Variants in SLC24A3 observed in about 807,000 individuals in gnomAD.
The protein encoded by SLC24A3 is sodium/potassium/calcium exchanger 3.
SLC24A3 carries 28 observed loss-of-function variants against 75.8 expected under a neutral mutation model. The observed-to-expected ratio is 0.37, with a 90% CI of 0.27 to 0.51. The LOEUF (loss-of-function observed/expected upper bound fraction) is 0.51, where lower values mean the gene tolerates loss of function less well. Ranked by LOEUF, SLC24A3 falls within the 20% of genes least tolerant of loss-of-function variation. The pLI is 0.94. For missense variants in SLC24A3, 663 were observed against 847.8 expected, an observed-to-expected ratio of 0.78 and a Z score of 2.71; for synonymous variants, 372 against 334.1, an observed-to-expected ratio of 1.11 and a Z score of -1.24.
At chr20:19,325,931 A>G (rs1470320202) in intron 2 of SLC24A3, among the ~76,000 whole-genome samples, 1 of 151,198 alleles carries the variant, frequency 6.6e-6, no homozygotes, top group Non-Finnish European at 1.5e-5. Context: ...GGGTAATTTT[A>G]TACAATATTT....
chr20:19,418,753 T>A (rs1414488595), intron 2 of SLC24A3, among the ~76,000 whole-genome samples: 1 of 152,040 alleles, frequency 6.6e-6, no homozygotes, highest in Non-Finnish European at 1.5e-5. Flanking sequence ...AGTGGATAAT[T>A]CTAAGTCTGG....
At chr20:19,236,741 G>C (rs1470507611) in intron 1 of SLC24A3, among the ~76,000 whole-genome samples, 1 of 152,160 alleles carries the variant, frequency 6.6e-6, no homozygotes, top group Non-Finnish European at 1.5e-5. Context: ...GGGTGACAAA[G>C]TGAGACCCTG....
chr20:19,643,538 C>A (rs1045737532), intron 6 of SLC24A3, among the ~76,000 whole-genome samples: 2 of 152,176 alleles, frequency 1.3e-5, no homozygotes, highest in African/African-American at 4.8e-5. Flanking sequence ...AGAAATGGAG[C>A]ATCTGTCCCC....
At chr20:19,502,538 A>G (rs1988399418) in intron 2 of SLC24A3, among the ~76,000 whole-genome samples, 1 of 152,082 alleles carries the variant, frequency 6.6e-6, no homozygotes, top group Non-Finnish European at 1.5e-5. Context: ...AACAGGCCTA[A>G]AATTACCACA....
At chr20:19,374,276 A>G (rs1396285347) in intron 2 of SLC24A3, among the ~76,000 whole-genome samples, 3 of 152,182 alleles carry the variant, frequency 2.0e-5, no homozygotes, top group Non-Finnish European at 4.4e-5. Context: ...ACTCCTCCAC[A>G]TGCTCAAGTT....
chr20:19,539,094 C>A (rs746050223), intron 3 of SLC24A3, among the ~76,000 whole-genome samples: 18 of 152,112 alleles, frequency 1.2e-4, no homozygotes, highest in Admixed American at 3.3e-4. Flanking sequence ...TGGTTAGAGA[C>A]TGTGGGGATG....
intron 2 of SLC24A3, among the ~76,000 whole-genome samples, chr20:19,379,595 C>T (rs984843682): frequency 7.2e-5 from 11 of 152,120 alleles, no homozygotes; most frequent in Admixed American, 2.0e-4. Flanking sequence ...CAGGTGCACA[C>T]CCCCAGTTAC....
At position 19,464,617 on chromosome 20, in the gene SLC24A3, G is replaced by C. The variant is rs556316675; in HGVS notation, c.272-50871G>C. 2.0e-5 allele frequency among the ~76,000 whole-genome samples: 3 copies of C among 152,282 alleles called. No homozygotes were observed. In the East Asian group the frequency reaches 5.8e-4, roughly 29 times the overall value. The stretch of plus-strand genomic sequence containing the variant: ...TTTCTTCCTGGGCCTGGTGTCTGGG[G>C]CCTGTTTGTTAGTACTTAATGTTGA... On this transcript the variant is annotated intron_variant, in intron 2 of 16. Transcript: ENST00000328041.
At chr20:19,233,558 C>T (rs950000152) in intron 1 of SLC24A3, among the ~76,000 whole-genome samples, 4 of 152,182 alleles carry the variant, frequency 2.6e-5, no homozygotes, top group Non-Finnish European at 4.4e-5. Flanking sequence ...CCTGTGCATG[C>T]ACTTTTCTGA....
intron 2 of SLC24A3, among the ~76,000 whole-genome samples, chr20:19,500,028 T>C (rs147458129): frequency 1.3e-5 from 2 of 152,166 alleles, no homozygotes; most frequent in Non-Finnish European, 2.9e-5. Context: ...AACGACATGG[T>C]GGATGTAGCG....
Position 19,673,139 on chromosome 20 carries a change from G to C in SLC24A3, c.714-462G>C, listed in dbSNP as rs558685263. On this transcript the variant is annotated intron_variant, in intron 8 of 16. Coordinates refer to ENST00000328041, the MANE Select transcript of SLC24A3 (RefSeq NM_020689.4). ...TACCTTCCCTGCCCAGGTTCCGTCTGTCTGTCTGCCTGCCTCTCTCCCCAC... is the reference window on the plus strand; with the variant it reads ...TACCTTCCCTGCCCAGGTTCCGTCTCTCTGTCTGCCTGCCTCTCTCCCCAC... Among the ~76,000 whole-genome samples the C allele has an allele frequency of 2.0e-5, 3 of 152,246 alleles. 1 individual carries two copies. The South Asian group carries it at 6.2e-4, about 32-fold the overall frequency.
At chr20:19,597,832 T>C (rs947378856) in intron 6 of SLC24A3, among the ~76,000 whole-genome samples, 23 of 152,224 alleles carry the variant, frequency 1.5e-4, no homozygotes, top group Non-Finnish European at 2.9e-4. Context: ...TATTTGTCTT[T>C]CTGTGCCTGG....
intron 3 of SLC24A3, among the ~76,000 whole-genome samples, chr20:19,575,155 G>A (rs2031111141): frequency 6.7e-6 from 1 of 150,036 alleles, no homozygotes; most frequent in African/African-American, 2.4e-5. Flanking sequence ...AGGCAGCTAA[G>A]GTAGGAGGAT....
chr20:19,341,116 A>AT, intron 2 of SLC24A3, among the ~76,000 whole-genome samples: 1 of 152,316 alleles, frequency 6.6e-6, no homozygotes, highest in East Asian at 1.9e-4. Flanking sequence ...CCATCCCCAG[A>AT]GGGGCTGAAC....
chr20:19,655,240 G>A (rs372851169), intron 7 of SLC24A3, among the ~76,000 whole-genome samples: 11 of 152,180 alleles, frequency 7.2e-5, no homozygotes, highest in African/African-American at 2.2e-4. Flanking sequence ...CTTACTCCCC[G>A]CTTCTCTCCA....
At chr20:19,325,936 A>G (rs141023885) in intron 2 of SLC24A3, among the ~76,000 whole-genome samples, 1,715 of 151,278 alleles carry the variant, frequency 0.011, 16 homozygotes, top group South Asian at 0.017. Context: ...ATTTTATACA[A>G]TATTTTAAAG....
intron 12 of SLC24A3, among the ~76,000 whole-genome samples, chr20:19,691,257 C>T (rs1371819865): frequency 6.6e-6 from 1 of 152,194 alleles, no homozygotes; most frequent in Non-Finnish European, 1.5e-5. Context: ...GGCTCAGTGA[C>T]ATTCGAGCAG....
intron 7 of SLC24A3, among the ~76,000 whole-genome samples, chr20:19,660,081 C>T (rs1347246413): frequency 2.0e-5 from 3 of 152,160 alleles, no homozygotes; most frequent in Non-Finnish European, 2.9e-5. Context: ...CTCCTGCACC[C>T]ATTTTTCATG....
intron 6 of SLC24A3, among the ~76,000 whole-genome samples, chr20:19,616,103 A>C (rs2031732046): frequency 1.3e-5 from 2 of 152,242 alleles, no homozygotes; most frequent in South Asian, 4.1e-4. Flanking sequence ...AAGTCAAGCC[A>C]TGATGCAGGC....
Sources: gnomAD v4.1 joint callset for allele counts (sites outside exome capture counted in the v4.1 genomes callset) on GRCh38, gnomAD v4.1.1 for gene constraint, MANE v1.5 for transcripts, NCBI Gene and HGNC (gene_info 2026-07-23, HGNC 2026-07-21) for gene names.